The following FOXJ3 variants were observed in gnomAD, a reference collection of about 807,000 sequenced individuals.
FOXJ3 encodes the protein forkhead box J3, also known as forkhead box protein J3.
Under a neutral mutation model 76.1 loss-of-function variants are expected in FOXJ3, and 22 were observed. The ratio of observed to expected loss-of-function variants is 0.29; its 90% CI spans 0.21 to 0.41. The LOEUF (loss-of-function observed/expected upper bound fraction) is 0.41, where lower values mean the gene tolerates loss of function less well. Ranked by LOEUF, FOXJ3 falls within the 10% of genes least tolerant of loss-of-function variation. The pLI is 1.00. For synonymous variants in FOXJ3, 269 were observed against 261.2 expected (o/e 1.03, Z -0.29); for missense variants, 613 against 762.1 (o/e 0.80, Z 2.30).
At chr1:42,200,617 T>C (rs1258397365) in intron 6 of FOXJ3, among the ~76,000 whole-genome samples, 1 of 152,152 alleles carries the variant, frequency 6.6e-6, no homozygotes, top group Admixed American at 6.5e-5. Context: ...TAGTTGGGAT[T>C]ACAGATGCGC....
At chr1:42,274,116 T>C (rs1652076761) in intron 3 of FOXJ3, among the ~76,000 whole-genome samples, 1 of 152,192 alleles carries the variant, frequency 6.6e-6, no homozygotes, top group African/African-American at 2.4e-5. Flanking sequence ...CTAGCCACCA[T>C]GTGTGTTCAT....
rs10640179 is a variant in FOXJ3, at chr1:42,228,566, C to CAAAA, written c.445-604_445-601dup. 1.4e-3 allele frequency among the ~76,000 whole-genome samples: 181 copies of CAAAA among 130,206 alleles called. 1 individual carries two copies. The highest frequency in any genetic ancestry group is 2.7e-3 in the Admixed American group (35 of 12,778). 85.4% of individuals were successfully genotyped at this position (130,206 alleles called of 152,430 possible). The stretch of plus-strand genomic sequence containing the variant: ...CAGGTACTCAGAAACTGTGACTCTC[C>CAAAA]AAAAAAAAAAAAAAAACTTTGGAAA... On this transcript the variant is annotated intron_variant, in intron 4 of 12. Transcript: ENST00000361346.
At chr1:42,308,061 C>T (rs1356852585) in intron 2 of FOXJ3, among the ~76,000 whole-genome samples, 1 of 152,138 alleles carries the variant, frequency 6.6e-6, no homozygotes, top group African/African-American at 2.4e-5. Flanking sequence ...CTATTCACTA[C>T]CTTCACTTAT....
chr1:42,231,972 CG>C (rs1418120413), intron 4 of FOXJ3, among the ~76,000 whole-genome samples: 2 of 152,118 alleles, frequency 1.3e-5, no homozygotes, highest in African/African-American at 2.4e-5. Flanking sequence ...CAACAGGCCC[CG>C]GTGTGTGATG....
intron 2 of FOXJ3, among the ~76,000 whole-genome samples, chr1:42,309,016 A>AAAAAAAAAAAAC (rs1654640492): frequency 6.6e-6 from 1 of 151,718 alleles, no homozygotes; most frequent in Admixed American, 6.6e-5. Flanking sequence ...AAAAAAAAAA[A>AAAAAAAAAAAAC]AATGCTTTTC....
intron 11 of FOXJ3, among the ~76,000 whole-genome samples, chr1:42,183,884 C>CA (rs2124131559): frequency 6.6e-6 from 1 of 152,194 alleles, no homozygotes; most frequent in South Asian, 2.1e-4. Context: ...GGAAATGAGA[C>CA]AGAACCAGGA....
At chr1:42,279,913 A>C (rs1481231873) in intron 2 of FOXJ3, among the ~76,000 whole-genome samples, 2 of 152,088 alleles carry the variant, frequency 1.3e-5, no homozygotes, top group Non-Finnish European at 2.9e-5. Flanking sequence ...TCCTGACAAA[A>C]AGCAACCTTG....
At chr1:42,327,990 G>A (rs76825575) in intron 1 of FOXJ3, among the ~76,000 whole-genome samples, 2,432 of 152,226 alleles carry the variant, frequency 0.016, 26 homozygotes, top group Non-Finnish European at 0.025. Context: ...AGTTTCTGGA[G>A]AGACTCTCTA....
intron 1 of FOXJ3, among the ~76,000 whole-genome samples, chr1:42,318,679 A>G (rs1189304893): frequency 1.3e-5 from 2 of 152,124 alleles, no homozygotes; most frequent in Non-Finnish European, 2.9e-5. Context: ...ACCACTTCAT[A>G]CCCACTAACA....
chr1:42,195,428 C>T (rs1163334203), intron 7 of FOXJ3, among the ~76,000 whole-genome samples: 1 of 152,162 alleles, frequency 6.6e-6, no homozygotes, highest in Non-Finnish European at 1.5e-5. Context: ...TCTCAAACTC[C>T]ACTAAGCCAT....
chr1:42,226,438 C>T (rs1276574861), intron 5 of FOXJ3, among the ~76,000 whole-genome samples: 5 of 152,098 alleles, frequency 3.3e-5, no homozygotes, highest in Admixed American at 6.6e-5. Flanking sequence ...ATGGCAAAAC[C>T]CTGTCTCTAC....
At chr1:42,189,481 C>T in intron 9 of FOXJ3, 77 bp from the exon 10 acceptor site, 1 of 1,016,144 alleles carries the variant, frequency 9.8e-7, no homozygotes, top group Admixed American at 2.0e-5. Context: ...ATGAGCTGCC[C>T]TTATTCCTGA....
intron 4 of FOXJ3, among the ~76,000 whole-genome samples, chr1:42,235,482 C>T (rs1569986893): frequency 6.6e-6 from 1 of 152,318 alleles, no homozygotes; most frequent in South Asian, 2.1e-4. Flanking sequence ...AATCACCCAT[C>T]TTCTGCATCG....
At chr1:42,253,135 G>A (rs1218539115) in intron 4 of FOXJ3, among the ~76,000 whole-genome samples, 2 of 149,978 alleles carry the variant, frequency 1.3e-5, no homozygotes, top group Admixed American at 6.6e-5. Context: ...CAAAATCAAT[G>A]TACAAAAATC....
chr1:42,200,367 C>T (rs1036816801), intron 6 of FOXJ3, among the ~76,000 whole-genome samples: 1 of 152,094 alleles, frequency 6.6e-6, no homozygotes, highest in African/African-American at 2.4e-5. Context: ...CTTTATATTT[C>T]CTTCTTTCCT....
Position 42,191,477 on chromosome 1 carries a change from G to A in FOXJ3, c.1177C>T (p.His393Tyr), listed in dbSNP as rs1163687222. 6.2e-7 allele frequency: 1 copy of A among 1,613,686 alleles called. No individual in the cohort carries two copies. Among genetic ancestry groups the A allele is most frequent in the Non-Finnish European group, 8.5e-7 (1 of 1,179,672 alleles). Residue 393 changes from histidine (H) to tyrosine (Y), a missense_variant, in exon 9 of 13, where the codon CAT (histidine) becomes TAT (tyrosine). Coordinates refer to ENST00000361346, the MANE Select transcript of FOXJ3 (RefSeq NM_014947.5). ...GCTGGGTGTGGGGAACGCTGCGGAT[G>A]CTGCGGTAAACCATGCGGTCGATGG... ...PPHRPHGLPQ[H>Y]PQRSPHPAPH...
intron 7 of FOXJ3, among the ~76,000 whole-genome samples, chr1:42,196,125 C>T (rs1306134112): frequency 6.6e-6 from 1 of 152,204 alleles, no homozygotes; most frequent in Non-Finnish European, 1.5e-5. Context: ...CTTAGTTGCA[C>T]TATGGAATTT....
At chr1:42,217,595 T>A (rs1473970723) in intron 5 of FOXJ3, among the ~76,000 whole-genome samples, 1 of 151,916 alleles carries the variant, frequency 6.6e-6, no homozygotes, top group African/African-American at 2.4e-5. Context: ...ACTGGAAGCA[T>A]CCATGTCTCT....
chr1:42,318,644 C>A (rs1042597983), intron 1 of FOXJ3, among the ~76,000 whole-genome samples: 1 of 152,054 alleles, frequency 6.6e-6, no homozygotes. Flanking sequence ...TGCACTCAGC[C>A]GGGAAATACA....
Sources: gnomAD v4.1 joint callset for allele counts (sites outside exome capture counted in the v4.1 genomes callset) on GRCh38, gnomAD v4.1.1 for gene constraint, MANE v1.5 for transcripts, NCBI Gene and HGNC (gene_info 2026-07-23, HGNC 2026-07-21) for gene names.